The following KIAA1217 variants were observed in gnomAD, a reference collection of about 807,000 sequenced individuals.
KIAA1217 encodes the protein sickle tail protein homolog.
A neutral mutation model predicts 163.9 loss-of-function variants in KIAA1217; 88 were observed. The observed-to-expected ratio is 0.54, with a 90% confidence interval of 0.45 to 0.64. The LOEUF is 0.64. Among genes scored for constraint, KIAA1217 ranks in the 30% least tolerant of loss-of-function variants. The pLI is 0.00. For missense variants in KIAA1217, 2,372 were observed against 2,475.0 expected, an observed-to-expected ratio of 0.96 and a Z score of 0.88; for synonymous variants, 903 against 923.1, an observed-to-expected ratio of 0.98 and a Z score of 0.39.
chr10:24,230,502 G>GTTTTTTTTTTT (rs71397936), intron 2 of KIAA1217, among the ~76,000 whole-genome samples: 11 of 90,606 alleles, frequency 1.2e-4, no homozygotes, highest in Non-Finnish European at 1.7e-4. Flanking sequence ...TATTTGTTTT[G>GTTTTTTTTTTT]TTTTTTTTTT....
At chr10:23,865,003 T>C (rs1286306943) in intron 1 of KIAA1217, among the ~76,000 whole-genome samples, 2 of 152,152 alleles carry the variant, frequency 1.3e-5, no homozygotes, top group African/African-American at 4.8e-5. Context: ...TATTTAAATG[T>C]GAATCACATC....
At chr10:23,818,330 TTTTATATATATATATAAAAAAA>T (rs1564448520) in intron 1 of KIAA1217, among the ~76,000 whole-genome samples, 1 of 87,702 alleles carries the variant, frequency 1.1e-5, no homozygotes, top group Non-Finnish European at 2.3e-5. Flanking sequence ...TATATATATA[TTTTATATATATATATAAAAAAA>T]TATATATATA....
chr10:23,818,048 CACATATATATACATATATATAT>C (rs1837422473), intron 1 of KIAA1217, among the ~76,000 whole-genome samples: 4 of 106,982 alleles, frequency 3.7e-5, no homozygotes, highest in African/African-American at 1.2e-4. Context: ...CATATATATA[CACATATATATACATATATATAT>C]ACACACACAC....
At chr10:23,921,275 A>T (rs1191563945) in intron 1 of KIAA1217, among the ~76,000 whole-genome samples, 1 of 152,202 alleles carries the variant, frequency 6.6e-6, no homozygotes, top group Non-Finnish European at 1.5e-5. Flanking sequence ...GGATTTGGTC[A>T]GGGACACAGA....
rs116821844 is a variant in KIAA1217 at position 24,521,996 on chromosome 10, G to A, written c.2456+67G>A. 402 of 1,538,864 alleles carry A rather than the reference G, an allele frequency of 2.6e-4. 1 individual carries two copies. In the African/African-American group the frequency reaches 4.2e-3, roughly 16 times the overall value. Reference sequence around the variant, plus strand: ...GTGCACTGGGAAACCGAGAGTGGACGTTTGGGACTTCAGCCTTCCACCATG... The same window carrying A: ...GTGCACTGGGAAACCGAGAGTGGACATTTGGGACTTCAGCCTTCCACCATG... On this transcript the variant is annotated intron_variant, in intron 12 of 20. Coordinates refer to ENST00000376454, the MANE Select transcript of KIAA1217 (RefSeq NM_019590.5).
chr10:23,787,670 G>A (rs372290431), intron 1 of KIAA1217, among the ~76,000 whole-genome samples: 6 of 152,116 alleles, frequency 3.9e-5, no homozygotes, highest in African/African-American at 9.7e-5. Context: ...ACAAAAATCC[G>A]CCACAATGCT....
chr10:24,231,768 T>C (rs938262029), intron 2 of KIAA1217, among the ~76,000 whole-genome samples: 3 of 150,534 alleles, frequency 2.0e-5, no homozygotes, highest in Admixed American at 6.6e-5. Flanking sequence ...TTGGATGTGA[T>C]ACCTGGAGGA....
chr10:24,314,900 C>T lies in KIAA1217; in HGVS notation c.355-65969C>T, dbSNP rs113207735. Among the ~76,000 whole-genome samples, 1,327 of 152,056 alleles carry T rather than the reference C, an allele frequency of 8.7e-3. 21 individuals carry two copies. Among genetic ancestry groups the T allele is most frequent in the African/African-American group, 0.03 (1,262 of 41,460 alleles). ...CAGAGCTTGCAGTGAACTGAGATAGCGCCGCTGCACTCCAGCCTGGGCGAC... is the reference window on the plus strand; with the variant it reads ...CAGAGCTTGCAGTGAACTGAGATAGTGCCGCTGCACTCCAGCCTGGGCGAC... On this transcript the variant is annotated intron_variant, in intron 2 of 20. Coordinates refer to ENST00000376454, the MANE Select transcript of KIAA1217 (RefSeq NM_019590.5).
chr10:23,922,285 C>T (rs2131294221), intron 1 of KIAA1217, among the ~76,000 whole-genome samples: 1 of 152,346 alleles, frequency 6.6e-6, no homozygotes, highest in African/African-American at 2.4e-5. Context: ...CACCAGCTCT[C>T]ATACCTTGAC....
At chr10:23,808,108 A>G (rs1033618347) in intron 1 of KIAA1217, among the ~76,000 whole-genome samples, 8 of 152,242 alleles carry the variant, frequency 5.3e-5, no homozygotes, top group South Asian at 2.1e-4. Flanking sequence ...GATTTATACT[A>G]TCTATGTGGT....
intron 2 of KIAA1217, among the ~76,000 whole-genome samples, chr10:24,053,519 TA>T (rs1185490903): frequency 2.0e-5 from 3 of 152,172 alleles, no homozygotes; most frequent in Non-Finnish European, 4.4e-5. Flanking sequence ...ATATGTAGGA[TA>T]TACATTAGTT....
chr10:24,322,510 G>A (rs1224797091), intron 2 of KIAA1217, among the ~76,000 whole-genome samples: 1 of 152,152 alleles, frequency 6.6e-6, no homozygotes, highest in African/African-American at 2.4e-5. Context: ...CATGAACTTG[G>A]CTAAGGAATT....
intron 2 of KIAA1217, among the ~76,000 whole-genome samples, chr10:24,317,329 G>A (rs1423659062): frequency 6.6e-6 from 1 of 151,998 alleles, no homozygotes; most frequent in Non-Finnish European, 1.5e-5. Context: ...ATGTCGCCCA[G>A]GCTGGTCTCA....
chr10:23,788,370 A>G (rs1244852812), intron 1 of KIAA1217, among the ~76,000 whole-genome samples: 1 of 152,142 alleles, frequency 6.6e-6, no homozygotes, highest in Admixed American at 6.5e-5. Context: ...TCTCAATGGG[A>G]GGAAGTAAGT....
intron 2 of KIAA1217, among the ~76,000 whole-genome samples, chr10:24,315,365 T>C (rs1327895657): frequency 6.6e-6 from 1 of 152,188 alleles, no homozygotes; most frequent in African/African-American, 2.4e-5. Flanking sequence ...AAGTACACTA[T>C]ACACTTCCCT....
chr10:24,373,243 G>A (rs995084118), intron 2 of KIAA1217, among the ~76,000 whole-genome samples: 2 of 152,102 alleles, frequency 1.3e-5, no homozygotes, highest in African/African-American at 4.8e-5. Context: ...TGGAATACAG[G>A]TCTTCCCAAT....
chr10:24,234,727 T>A (rs1207620995), intron 2 of KIAA1217, among the ~76,000 whole-genome samples: 1 of 151,790 alleles, frequency 6.6e-6, no homozygotes, highest in African/African-American at 2.4e-5. Flanking sequence ...CCTAATTCGT[T>A]AAGTCTGTTT....
chr10:23,911,610 T>C (rs1159807504), intron 1 of KIAA1217, among the ~76,000 whole-genome samples: 9 of 152,130 alleles, frequency 5.9e-5, no homozygotes. Flanking sequence ...CTAAATAAAG[T>C]TTGAAGAAGG....
At chr10:23,923,191 A>G (rs916588648) in intron 1 of KIAA1217, among the ~76,000 whole-genome samples, 5 of 152,116 alleles carry the variant, frequency 3.3e-5, no homozygotes, top group Admixed American at 2.0e-4. Flanking sequence ...AGAACATACA[A>G]TGTTTGGGTT....
Sources: gnomAD v4.1 joint callset for allele counts (sites outside exome capture counted in the v4.1 genomes callset) on GRCh38, gnomAD v4.1.1 for gene constraint, MANE v1.5 for transcripts, NCBI Gene and HGNC (gene_info 2026-07-23, HGNC 2026-07-21) for gene names.